Variants in TEP1 observed in about 807,000 individuals in gnomAD.
TEP1 encodes telomerase associated protein 1, also known as telomerase protein component 1.
A neutral mutation model predicts 306.3 loss-of-function variants in TEP1; 241 were observed. The observed-to-expected ratio is 0.79, with a 90% CI of 0.71 to 0.88. TEP1 has a LOEUF of 0.88. Ranked by LOEUF, TEP1 falls within the 40% of genes least tolerant of loss-of-function variation. The probability of loss-of-function intolerance (pLI) is 0.00; values close to 1 mark genes in which losing one functional copy is unlikely to be tolerated. For missense variants in TEP1, 3,051 were observed against 3,276.1 expected (o/e 0.93, Z 1.68); for synonymous variants, 1,289 against 1,305.5 (o/e 0.99, Z 0.27).
At position 20,384,728 on chromosome 14, in the gene TEP1, C is replaced by T. The variant is rs1353089777; in HGVS notation, c.3108-15G>A. 1 of 1,606,590 alleles carries T rather than the reference C, an allele frequency of 6.2e-7. No homozygotes were observed. Among genetic ancestry groups the T allele is most frequent in the Admixed American group, 1.7e-5 (1 of 59,938 alleles). On this transcript the variant is annotated splice_polypyrimidine_tract_variant and intron_variant, in intron 21 of 54. Transcript: ENST00000262715. ...CTGGCACAGAGCTGACCACCAAAGA[C>T]CCCAAAAGTTGGAATAGACTCAGAC...
At chr14:20,400,192 A>C (rs1878557612) in intron 9 of TEP1, among the ~76,000 whole-genome samples, 3 of 149,640 alleles carry the variant, frequency 2.0e-5, no homozygotes, top group South Asian at 4.2e-4. Flanking sequence ...GCTTCTATCC[A>C]GGCCCCTTTA....
rs144854568 is a variant in TEP1 at position 20,404,742 on chromosome 14, C to T, written c.901G>A (p.Val301Ile). The T allele has an allele frequency of 5.7e-5, 92 of 1,612,704 alleles. No homozygotes were observed. Among genetic ancestry groups the T allele is most frequent in the African/African-American group, 4.0e-4 (30 of 75,006 alleles). The change falls in exon 5 of 55, where the codon GTC becomes ATC. Residue 301 changes from valine to isoleucine, a missense_variant. This residue lies in a region of TEP1 where 1,507 missense variants were observed against 1,550.5 expected (regional missense o/e 0.97). Coordinates refer to ENST00000262715, the MANE Select transcript of TEP1 (RefSeq NM_007110.5). ...AAGATGTTATTGGCCACATTCCGGA[C>T]GTTCAGCTGCTGCCTGGCATACAAA... ...ASLYARQQLN[V>I]RNVANNILAI...
In TEP1 at chr14:20,382,341, G is replaced by A. The variant is rs144008371; in HGVS notation, c.4156C>T (p.Arg1386Trp). The A allele has an allele frequency of 1.1e-3, 1,743 of 1,610,782 alleles. 6 individuals carry two copies. Among genetic ancestry groups the A allele is most frequent in the Non-Finnish European group, 1.4e-3 (1,666 of 1,178,376 alleles). ...AGGGGGACAGTGGCAGGCAGGGTCC[G>A]GAGTCTCTCAGACACCTAGGATGGC... ...TLYEQVSERLRTLPATVPLLL... is the reference protein window; with the variant it reads ...TLYEQVSERLWTLPATVPLLL... The change falls in exon 29 of 55, where the codon CGG (arginine) becomes TGG (tryptophan). Residue 1386 changes from arginine (R) to tryptophan (W), a missense_variant. This residue lies in a region of TEP1 where 1,540 missense variants were observed against 1,705.9 expected (regional missense o/e 0.90). Coordinates refer to ENST00000262715, the MANE Select transcript of TEP1 (RefSeq NM_007110.5).
At position 20,382,705 on chromosome 14, in the gene TEP1, A is replaced by T; in HGVS notation, c.4058T>A (p.Leu1353Gln). The change falls in exon 28 of 55, where the codon CTG (leucine) becomes CAG (glutamine). Residue 1353 changes from leucine to glutamine, a missense_variant. Physicochemically the swap from Leu to Gln is moderately radical, Grantham distance 113 (BLOSUM62 -2). Around this residue, in one of 3 missense-constraint regions of TEP1, gnomAD observed 1,540 missense variants for 1,705.9 expected, o/e 0.90. Coordinates refer to ENST00000262715, the MANE Select transcript of TEP1 (RefSeq NM_007110.5). Reference protein sequence around the residue: ...ESPFNNQMRLLLVKRESGRPL... With the variant: ...ESPFNNQMRLQLVKRESGRPL... ...CCGGCCTGATTCCCGCTTCACCAGC[A>T]GCAGTCGCATCTGGCAAGACTCAGG... 1.2e-6 allele frequency: 2 copies of T among 1,614,082 alleles called. No individual in the cohort carries two copies. Among genetic ancestry groups the T allele is most frequent in the Non-Finnish European group, 1.7e-6 (2 of 1,179,994 alleles).
rs1276232883 is a variant in TEP1 at position 20,386,209 on chromosome 14, G to GCT, written c.2862-15_2862-14insAG. 1 of 1,613,864 alleles carries GCT rather than the reference G, an allele frequency of 6.2e-7. No homozygotes were observed. Among genetic ancestry groups the GCT allele is most frequent in the African/African-American group, 1.3e-5 (1 of 74,938 alleles). On this transcript the variant is annotated splice_polypyrimidine_tract_variant and intron_variant, in intron 19 of 54. Transcript: ENST00000262715. ...ACTTCCAGTTGTCTGTAGGCATGAT[G>GCT]ATAGGGACGTGTGGGAGTCACTGGG...
At position 20,410,392 on chromosome 14, in the gene TEP1, C is replaced by T. The variant is rs535067369; in HGVS notation, c.-24-1929G>A. On this transcript the variant is annotated intron_variant, in intron 1 of 54. Coordinates refer to ENST00000262715, the MANE Select transcript of TEP1 (RefSeq NM_007110.5). The stretch of plus-strand genomic sequence containing the variant: ...CTGAGGCAGGAGGATCACTTGAGCC[C>T]AGGAGTTTAAAACCAGCCTGAGCTA... Among the ~76,000 whole-genome samples, 121 of 152,186 alleles carry T rather than the reference C, an allele frequency of 8.0e-4. No individual in the cohort carries two copies. In the South Asian group the frequency reaches 0.024, roughly 31 times the overall value.
chr14:20,385,168 AC>A, intron 20 of TEP1, 59 bp from the exon 21 acceptor site: 1 of 1,601,246 alleles, frequency 6.2e-7, no homozygotes, highest in Non-Finnish European at 8.5e-7. Context: ...CTCCCTCCAG[AC>A]CTGCCAAGGC....
chr14:20,403,663 C>T, intron 6 of TEP1, 60 bp downstream of exon 6: 1 of 1,610,162 alleles, frequency 6.2e-7, no homozygotes, highest in Non-Finnish European at 8.5e-7. Context: ...CAGCATGCTC[C>T]CTTGTCCTGC....
Position 20,382,350 on chromosome 14 carries a change from C to T in TEP1, c.4147G>A (p.Glu1383Lys), listed in dbSNP as rs776819992. ...RLFTLYEQVS[E>K]RLRTLPATVP... The stretch of plus-strand genomic sequence containing the variant: ...GTGGCAGGCAGGGTCCGGAGTCTCT[C>T]AGACACCTAGGATGGCGGGAGGACA... Residue 1383 changes from glutamate (E) to lysine (K), a missense_variant, in exon 29 of 55, where the codon GAG becomes AAG. Coordinates refer to ENST00000262715, the MANE Select transcript of TEP1 (RefSeq NM_007110.5). The T allele has an allele frequency of 1.6e-5, 25 of 1,608,506 alleles. No individual in the cohort carries two copies. The highest frequency in any genetic ancestry group is 1.9e-5 in the Non-Finnish European group (22 of 1,177,334).
In TEP1 at chr14:20,401,003, C is replaced by T. The variant is rs765778906; in HGVS notation, c.1530G>A (p.Ser510=). 6 of 1,614,094 alleles carry T rather than the reference C, an allele frequency of 3.7e-6. No homozygotes were observed. Among genetic ancestry groups the T allele is most frequent in the South Asian group, 2.2e-5 (2 of 91,070 alleles). The part of the protein sequence containing the change: ...RELSLRGNKA[S]VWEELIENGK... ...CTCTACCAATGAGTTCCTCCCAGAC[C>T]GACGCTTTGTTCCCCCGTAGGCTCA... The change falls in exon 9 of 55, where the codon TCG becomes TCA. Residue 510 remains serine (S), a synonymous_variant. Transcript: ENST00000262715.
chr14:20,378,095 G>T lies in TEP1; in HGVS notation c.5650C>A (p.His1884Asn), dbSNP rs1263043547. The change falls in exon 39 of 55, where the codon CAT becomes AAT. Residue 1884 changes from histidine (H) to asparagine (N), a missense_variant. Physicochemically the swap from His to Asn is moderately conservative, Grantham distance 68. Around this residue, in one of 3 missense-constraint regions of TEP1, gnomAD observed 1,540 missense variants for 1,705.9 expected, o/e 0.90. Transcript: ENST00000262715. ...GARLAAFPAHHGFVAAALFLH... is the reference protein window; with the variant it reads ...GARLAAFPAHNGFVAAALFLH... The stretch of plus-strand genomic sequence containing the variant: ...AAAAGCGCAGCAGCAACAAAGCCAT[G>T]GTGGGCAGGGAAGGCAGCCAGCCGT... 2 of 1,613,748 alleles carry T rather than the reference G, an allele frequency of 1.2e-6. No homozygotes were observed. The highest frequency in any genetic ancestry group is 1.7e-6 in the Non-Finnish European group (2 of 1,180,044).
chr14:20,390,220 C>T (rs747558783), intron 15 of TEP1, among the ~76,000 whole-genome samples: 1 of 151,988 alleles, frequency 6.6e-6, no homozygotes, highest in Admixed American at 6.6e-5. Context: ...CGGAGTGAGA[C>T]CCTGTCTCAA....
rs764708941 is a variant in TEP1 at position 20,378,220 on chromosome 14, C to A, written c.5525G>T (p.Gly1842Val). 3 of 1,613,406 alleles carry A rather than the reference C, an allele frequency of 1.9e-6. No individual in the cohort carries two copies. Among genetic ancestry groups the A allele is most frequent in the Admixed American group, 1.7e-5 (1 of 59,994 alleles). The change falls in exon 39 of 55, where the codon GGA becomes GTA. Residue 1842 changes from glycine to valine, a missense_variant. Gly to Val is a moderately radical substitution (Grantham distance 109). This residue lies in a region of TEP1 where 1,540 missense variants were observed against 1,705.9 expected (regional missense o/e 0.90). Coordinates refer to ENST00000262715, the MANE Select transcript of TEP1 (RefSeq NM_007110.5). ...LKVTKDLGAP[G>V]ASIRTLAFNV... ...GAAGGCCAAGGTACGGATAGAGGCT[C>A]CGGGTGCCCCCAGGTCCTACACAGG...
intron 9 of TEP1, 147 bp from the exon 10 acceptor site, chr14:20,396,877 A>C: frequency 2.0e-6 from 1 of 492,930 alleles, no homozygotes. Flanking sequence ...CCTGGGCAAC[A>C]TAGCAAGACT....
rs777777702 is a variant in TEP1 at position 20,390,743 on chromosome 14, C to A, written c.2272G>T (p.Asp758Tyr). The A allele has an allele frequency of 2.0e-5, 33 of 1,614,082 alleles. No individual in the cohort carries two copies. The Admixed American group carries it at 5.5e-4, about 27-fold the overall frequency. ...QAQVQEFDEN[D>Y]GWSLNTFGKY... ...CCAAAAGTATTCAGGGACCATCCAT[C>A]ATTTTCATCAAACTCCTGAAGGAAA... The change falls in exon 15 of 55, where the codon GAT becomes TAT. Residue 758 changes from aspartate to tyrosine, a missense_variant. Physicochemically the swap from Asp to Tyr is radical, Grantham distance 160. Coordinates refer to ENST00000262715, the MANE Select transcript of TEP1 (RefSeq NM_007110.5).
Position 20,368,935 on chromosome 14 carries a change from G to C in TEP1, c.7657-33C>G, listed in dbSNP as rs1884648142. The C allele has an allele frequency of 2.0e-6, 3 of 1,537,296 alleles. No individual in the cohort carries two copies. The East Asian group carries it at 6.8e-5, about 35-fold the overall frequency. On this transcript the variant is annotated intron_variant, in intron 53 of 54. Transcript: ENST00000262715. ...AGGAAAGGGGAGAGCAGAATGGTGAGTTCTCAGGGGCCCCTCCTCAGAGAA... is the reference window on the plus strand; with the variant it reads ...AGGAAAGGGGAGAGCAGAATGGTGACTTCTCAGGGGCCCCTCCTCAGAGAA...
In TEP1 at chr14:20,395,931, G is replaced by T; in HGVS notation, c.1678C>A (p.Arg560=). 5 of 1,614,096 alleles carry T rather than the reference G, an allele frequency of 3.1e-6. No individual in the cohort carries two copies. Among genetic ancestry groups the T allele is most frequent in the South Asian group, 2.2e-5 (2 of 91,064 alleles). ...TTAAGAAATCTGAATGGAAACTGCC[G>T]ACTGTGGATCACCGACTTCTAGAAA... The part of the protein sequence containing the change: ...LQHAKSVIHS[R]QFPFRFLNAH... The change falls in exon 11 of 55, where the codon CGG becomes AGG. Residue 560 remains arginine, a synonymous_variant. Coordinates refer to ENST00000262715, the MANE Select transcript of TEP1 (RefSeq NM_007110.5).
rs1566485843 is a variant in TEP1, at chr14:20,408,085, T to C, written c.355A>G (p.Lys119Glu). The C allele has an allele frequency of 1.2e-6, 2 of 1,614,072 alleles. No individual in the cohort carries two copies. The highest frequency in any genetic ancestry group is 4.5e-5 in the East Asian group (2 of 44,872). ...AAGGGGCTGGCAGACACAGTGCTCT[T>C]TAGACTAGAGAGGGTGGCCAGGCAC... ...NRCLATLSSLKSTVSASPLFQ... is the reference protein window; with the variant it reads ...NRCLATLSSLESTVSASPLFQ... Residue 119 changes from lysine to glutamate, a missense_variant, in exon 2 of 55, where the codon AAG (lysine) becomes GAG (glutamate). Transcript: ENST00000262715.
Position 20,381,001 on chromosome 14 carries a change from G to A in TEP1, c.4692C>T (p.Asn1564=), listed in dbSNP as rs372024828. The A allele has an allele frequency of 2.5e-6, 4 of 1,614,082 alleles. No individual in the cohort carries two copies. Among genetic ancestry groups the A allele is most frequent in the South Asian group, 1.1e-5 (1 of 91,092 alleles). ...CCAAGTGTGCAGCCACCACATGGAG[G>A]TTGGTAAGGAACTTCGAAAGAAGTC... ...NRGLLSKFLT[N]LHVVAAHLEL... is the part of the protein sequence containing the mutation. Residue 1564 remains asparagine, a synonymous_variant, in exon 33 of 55, where the codon AAC becomes AAT. Coordinates refer to ENST00000262715, the MANE Select transcript of TEP1 (RefSeq NM_007110.5). The surrounding 1 kb of genome is among the most constrained non-coding windows in gnomAD (Gnocchi z 4.0).
Sources: allele counts gnomAD v4.1 joint callset (sites outside exome capture counted in the v4.1 genomes callset), GRCh38; gene constraint gnomAD v4.1.1; regional missense constraint gnomAD v4.1.1; non-coding constraint Gnocchi (gnomAD v3.1); transcripts MANE v1.5; gene names NCBI Gene and HGNC (gene_info 2026-07-23, HGNC 2026-07-21).